Variants in IKZF5 observed in about 807,000 individuals in gnomAD.
IKZF5 encodes zinc finger protein Pegasus.
Under a neutral mutation model 30.7 loss-of-function variants are expected in IKZF5, and 4 were observed. The observed-to-expected ratio is 0.13, with a 90% CI of 0.06 to 0.30. The LOEUF is 0.30. Ranked by LOEUF, IKZF5 falls within the 10% of genes least tolerant of loss-of-function variation. The pLI is 1.00. For synonymous variants in IKZF5, 148 were observed against 179.6 expected, an observed-to-expected ratio of 0.82 and a Z score of 1.41; for missense variants, 348 against 525.5, an observed-to-expected ratio of 0.66 and a Z score of 3.30.
In IKZF5 at chr10:122,993,087, G is replaced by A. The variant is rs1302507927; in HGVS notation, c.*693C>T. On this transcript the variant is annotated 3_prime_UTR_variant, in exon 5 of 5. Coordinates refer to ENST00000368886, the MANE Select transcript of IKZF5 (RefSeq NM_001372123.1). ...GGAAAAAGGCATCTAGCACTCTAGTGTATTTACCTGTGAAAATAAAAATCC... is the reference window on the plus strand; with the variant it reads ...GGAAAAAGGCATCTAGCACTCTAGTATATTTACCTGTGAAAATAAAAATCC... The A allele has an allele frequency of 6.6e-6, 1 of 152,420 alleles. No homozygotes were observed. The allele number at this position is 152,420 out of a possible 1,614,324, so 9.4% of individuals were successfully genotyped here. A position where few individuals can be genotyped will look rare whatever the true frequency, so the allele number is the denominator to read the frequency against.
chr10:122,998,580 G>C lies in IKZF5; in HGVS notation c.46C>G (p.Gln16Glu). The C allele has an allele frequency of 6.2e-7, 1 of 1,613,644 alleles. No individual in the cohort carries two copies. The highest frequency in any genetic ancestry group is 8.5e-7 in the Non-Finnish European group (1 of 1,179,710). The change falls in exon 3 of 5, where the codon CAG becomes GAG. Residue 16 changes from glutamine (Q) to glutamate (E), a missense_variant. Gln to Glu is a conservative substitution (Grantham distance 29). Transcript: ENST00000368886. ...TGGGTCTGCTGAGTCAGGTATTCCT[G>C]AAAATCTTTCACGAAGTCCAAAGGC... ...PEPLDFVKDFQEYLTQQTHHV... is the reference protein window; with the variant it reads ...PEPLDFVKDFEEYLTQQTHHV...
chr10:123,007,651 T>G (rs897694569), intron 1 of IKZF5, among the ~76,000 whole-genome samples: 2 of 152,132 alleles, frequency 1.3e-5, no homozygotes, highest in Non-Finnish European at 2.9e-5. Context: ...ATCCTTCTTA[T>G]CCTATCATAA....
chr10:123,002,887 G>C (rs569644143), intron 2 of IKZF5, among the ~76,000 whole-genome samples: 33 of 151,758 alleles, frequency 2.2e-4, no homozygotes, highest in African/African-American at 7.7e-4. Flanking sequence ...TGAGACTACT[G>C]AAAGTTTATC....
chr10:122,996,715 A>C (rs1409249926), intron 3 of IKZF5, among the ~76,000 whole-genome samples: 1 of 152,136 alleles, frequency 6.6e-6, no homozygotes, highest in Non-Finnish European at 1.5e-5. Flanking sequence ...AAAACAAAGA[A>C]AACAAAATTA....
rs979222710 is a variant in IKZF5 at position 122,992,805 on chromosome 10, T to C, written c.*975A>G. 2.0e-5 allele frequency: 3 copies of C among 152,532 alleles called. No homozygotes were observed. The allele number at this position is 152,532 out of a possible 1,614,324, so 9.4% of individuals were successfully genotyped here. On this transcript the variant is annotated 3_prime_UTR_variant, in exon 5 of 5. Coordinates refer to ENST00000368886, the MANE Select transcript of IKZF5 (RefSeq NM_001372123.1). ...ATGTTCTCAGTTTTGTAAATATGAC[T>C]TCACTATCACATTCTCTCATGTGTT...
In IKZF5 at chr10:122,993,689, GCAGA is replaced by G; in HGVS notation, c.*87_*90del. 1.4e-6 allele frequency: 1 copy of G among 730,934 alleles called. No individual in the cohort carries two copies. Among genetic ancestry groups the G allele is most frequent in the Non-Finnish European group, 2.3e-6 (1 of 442,022 alleles). The allele number at this position is 730,934 out of a possible 1,614,324, so 45.3% of individuals were successfully genotyped here. On this transcript the variant is annotated 3_prime_UTR_variant, in exon 5 of 5. Transcript: ENST00000368886. ...AATATAATGTATAAGCCTTGAATTA[GCAGA>G]CACTTTATTAGGGATGACCAAAACA...
chr10:123,005,718 C>G (rs1379081218), intron 2 of IKZF5, among the ~76,000 whole-genome samples: 1 of 152,132 alleles, frequency 6.6e-6, no homozygotes, highest in East Asian at 1.9e-4. Context: ...GTGAAGAGAT[C>G]CAGAGATCTT....
At chr10:122,995,855 G>A (rs1287291492) in intron 4 of IKZF5, 139 bp downstream of exon 4, 3 of 748,554 alleles carry the variant, frequency 4.0e-6, no homozygotes, top group Non-Finnish European at 4.3e-6. Context: ...GAAAAATGGA[G>A]TAACTTTCCC....
In IKZF5 at chr10:122,994,447, T is replaced by C; in HGVS notation, c.593A>G (p.Asn198Ser). 6.2e-7 allele frequency: 1 copy of C among 1,614,132 alleles called. No individual in the cohort carries two copies. The highest frequency in any genetic ancestry group is 8.5e-7 in the Non-Finnish European group (1 of 1,180,020). Residue 198 changes from asparagine (N) to serine (S), a missense_variant, in exon 5 of 5, where the codon AAC (asparagine) becomes AGC (serine). Coordinates refer to ENST00000368886, the MANE Select transcript of IKZF5 (RefSeq NM_001372123.1). This position sits in a 1 kb window ranked among gnomAD's most constrained non-coding sequence, Gnocchi z 5.6. ...NLGYSRRALINLSPPSMVVQK... is the reference protein window; with the variant it reads ...NLGYSRRALISLSPPSMVVQK... The stretch of plus-strand genomic sequence containing the variant: ...AACCACCATGGAAGGTGGACTTAAG[T>C]TGATTAGTGCTCTTCTGCTATAGCC...
rs757794183 is a variant in IKZF5, at chr10:122,998,547, T to A, written c.79A>T (p.Asn27Tyr). ...CCACTAACTGATCCAGAAATCATGT[T>A]CACGTGATGGGTCTGCTGAGTCAGG... ...EYLTQQTHHV[N>Y]MISGSVSGDK... Residue 27 changes from asparagine to tyrosine, a missense_variant, in exon 3 of 5, where the codon AAC (asparagine) becomes TAC (tyrosine). Physicochemically the swap from Asn to Tyr is moderately radical, Grantham distance 143. This residue lies in a region of IKZF5 where 80 missense variants were observed against 93.2 expected (regional missense o/e 0.86). Transcript: ENST00000368886. 1 of 1,613,734 alleles carries A rather than the reference T, an allele frequency of 6.2e-7. No homozygotes were observed. The highest frequency in any genetic ancestry group is 8.5e-7 in the Non-Finnish European group (1 of 1,179,686).
intron 2 of IKZF5, among the ~76,000 whole-genome samples, chr10:122,999,480 TCTTTGCTGCAATTACTCAA>T (rs1849507004): frequency 6.6e-6 from 1 of 152,226 alleles, no homozygotes; most frequent in Non-Finnish European, 1.5e-5. Context: ...GCCATGCTCA[TCTTTGCTGCAATTACTCAA>T]CTGTGTCACG....
At chr10:123,005,410 A>G (rs974914165) in intron 2 of IKZF5, among the ~76,000 whole-genome samples, 38 of 152,230 alleles carry the variant, frequency 2.5e-4, no homozygotes, top group African/African-American at 8.9e-4. Flanking sequence ...CATGAACTCA[A>G]TACCTTGGTG....
At chr10:123,006,335 C>T (rs1849779841) in intron 2 of IKZF5, among the ~76,000 whole-genome samples, 2 of 152,184 alleles carry the variant, frequency 1.3e-5, no homozygotes, top group South Asian at 4.1e-4. Flanking sequence ...TCTTCAGTCT[C>T]ATAAATGGGA....
intron 3 of IKZF5, among the ~76,000 whole-genome samples, chr10:122,996,566 T>C (rs1045077342): frequency 6.6e-6 from 1 of 150,696 alleles, no homozygotes; most frequent in Non-Finnish European, 1.5e-5. Flanking sequence ...TAGCTGGGCA[T>C]GGTGGTGCAC....
Position 122,996,103 on chromosome 10 carries a change from C to T in IKZF5, c.207G>A (p.Met69Ile), listed in dbSNP as rs187796573. 23 of 1,614,154 alleles carry T rather than the reference C, an allele frequency of 1.4e-5. No homozygotes were observed. The African/African-American group carries it at 3.1e-4, about 22-fold the overall frequency. The change falls in exon 4 of 5, where the codon ATG becomes ATA. Residue 69 changes from methionine to isoleucine, a missense_variant. Met to Ile is a conservative substitution (Grantham distance 10). Transcript: ENST00000368886. ...VEVSLDENSG[M>I]LVDGFERTFD... ...AGGTCCTTTCAAACCCGTCTACTAACATTCCTGAGTTTTCATCCAAGGAAA... is the reference window on the plus strand; with the variant it reads ...AGGTCCTTTCAAACCCGTCTACTAATATTCCTGAGTTTTCATCCAAGGAAA...
rs1028896715 is a variant in IKZF5, at chr10:122,994,955, A to G, written c.317-232T>C. 2 of 490,348 alleles carry G rather than the reference A, an allele frequency of 4.1e-6. No individual in the cohort carries two copies. The highest frequency in any genetic ancestry group is 7.2e-6 in the Non-Finnish European group (2 of 279,392). The allele number at this position is 490,348 out of a possible 1,614,324, so 30.4% of individuals were successfully genotyped here. On this transcript the variant is annotated intron_variant, in intron 4 of 4. Transcript: ENST00000368886. This position sits in a 1 kb window ranked among gnomAD's most constrained non-coding sequence, Gnocchi z 5.6. ...AATATGCATTGATGTTGTATTAGTC[A>G]ATACAGTATAAAAACTGTTATGGCT...
chr10:123,003,234 A>G (rs548253158), intron 2 of IKZF5, among the ~76,000 whole-genome samples: 2 of 76,600 alleles, frequency 2.6e-5, no homozygotes, highest in East Asian at 8.4e-4. Flanking sequence ...GGGTTTCACC[A>G]GACTTTTGTG....
At chr10:123,002,084 A>G (rs1372000289) in intron 2 of IKZF5, among the ~76,000 whole-genome samples, 1 of 152,128 alleles carries the variant, frequency 6.6e-6, no homozygotes, top group Non-Finnish European at 1.5e-5. Flanking sequence ...TTCTCTCTTC[A>G]CATCTAGTCT....
chr10:123,001,111 G>A (rs940094837), intron 2 of IKZF5, among the ~76,000 whole-genome samples: 38 of 150,972 alleles, frequency 2.5e-4, no homozygotes, highest in Non-Finnish European at 4.7e-4. Context: ...CCAGGTTCAC[G>A]CCACCTGCCT....
Sources: allele counts gnomAD v4.1 joint callset (sites outside exome capture counted in the v4.1 genomes callset), GRCh38; gene constraint gnomAD v4.1.1; regional missense constraint gnomAD v4.1.1; non-coding constraint Gnocchi (gnomAD v3.1); transcripts MANE v1.5; gene names NCBI Gene and HGNC (gene_info 2026-07-23, HGNC 2026-07-21).